GRID1: variants seen among roughly 807,000 people sequenced by gnomAD.
GRID1 encodes the protein glutamate ionotropic receptor delta type subunit 1.
GRID1 carries 28 observed loss-of-function variants against 98.0 expected under a neutral mutation model. The observed-to-expected ratio is 0.29, with a 90% CI of 0.21 to 0.39. GRID1 has a LOEUF of 0.39. GRID1 is among the 10% of genes least tolerant of loss of function. GRID1 has a pLI of 1.00. For synonymous variants in GRID1, 553 were observed against 538.5 expected (o/e 1.03, Z -0.37); for missense variants, 1,111 against 1,340.5 (o/e 0.83, Z 2.67).
At chr10:85,668,348 C>T (rs1289274608) in intron 12 of GRID1, among the ~76,000 whole-genome samples, 3 of 152,110 alleles carry the variant, frequency 2.0e-5, no homozygotes, top group Non-Finnish European at 2.9e-5. Context: ...GGTTGGCTAC[C>T]CTTGTGGGCA....
chr10:86,299,079 A>T (rs1314652234), intron 2 of GRID1, among the ~76,000 whole-genome samples: 1 of 152,034 alleles, frequency 6.6e-6, no homozygotes, highest in South Asian at 2.1e-4. Flanking sequence ...CATCACCTCT[A>T]CTTTATAGAT....
intron 2 of GRID1, among the ~76,000 whole-genome samples, chr10:86,321,017 G>A (rs1172805009): frequency 2.6e-5 from 4 of 151,370 alleles, no homozygotes; most frequent in Admixed American, 1.3e-4. Flanking sequence ...GGAGAATGCC[G>A]TGAACCTGGG....
intron 4 of GRID1, among the ~76,000 whole-genome samples, chr10:86,090,378 A>C (rs764500211): frequency 1.3e-5 from 2 of 152,084 alleles, no homozygotes; most frequent in Non-Finnish European, 2.9e-5. Context: ...ACACCACTGC[A>C]CTCCAACCTG....
intron 4 of GRID1, among the ~76,000 whole-genome samples, chr10:86,080,581 A>G (rs1417483881): frequency 6.6e-6 from 1 of 152,040 alleles, no homozygotes; most frequent in East Asian, 1.9e-4. Flanking sequence ...TTTCACCACT[A>G]GGTTTGGCCC....
chr10:85,833,529 A>C (rs1842887538), intron 8 of GRID1, among the ~76,000 whole-genome samples: 1 of 152,002 alleles, frequency 6.6e-6, no homozygotes, highest in Non-Finnish European at 1.5e-5. Context: ...CCCAACAAAA[A>C]AAAAAAAAAA....
At chr10:85,650,080 C>G (rs1843247886) in intron 12 of GRID1, 1 of 152,162 alleles carries the variant, frequency 6.6e-6, no homozygotes, top group Non-Finnish European at 1.5e-5. Context: ...CACAAGGGCC[C>G]AACTATTCAT....
At chr10:85,924,476 G>T (rs1196748316) in intron 4 of GRID1, among the ~76,000 whole-genome samples, 1 of 152,170 alleles carries the variant, frequency 6.6e-6, no homozygotes, top group Non-Finnish European at 1.5e-5. Flanking sequence ...TCAAATTCTA[G>T]AGCTTTTCCT....
At chr10:86,138,735 G>T in intron 4 of GRID1, 84 bp downstream of exon 4, 3 of 1,095,312 alleles carry the variant, frequency 2.7e-6, no homozygotes, top group South Asian at 2.6e-5. Flanking sequence ...TGCGTAAGAC[G>T]ACTGTGCCCT....
intron 12 of GRID1, among the ~76,000 whole-genome samples, chr10:85,716,999 G>A (rs1277212213): frequency 6.6e-6 from 1 of 152,062 alleles, no homozygotes; most frequent in Non-Finnish European, 1.5e-5. Context: ...AAAGAGTACA[G>A]AATTTCAGTT....
intron 4 of GRID1, among the ~76,000 whole-genome samples, chr10:85,968,439 A>G (rs1342500322): frequency 7.5e-6 from 1 of 133,030 alleles, no homozygotes; most frequent in African/African-American, 3.1e-5. Context: ...CGACACAGCA[A>G]GACTCTGTCT....
chr10:86,279,772 A>T (rs1004692734), intron 2 of GRID1, among the ~76,000 whole-genome samples: 1 of 152,260 alleles, frequency 6.6e-6, no homozygotes, highest in African/African-American at 2.4e-5. Flanking sequence ...AAAATGAAAT[A>T]AAAATCATCC....
At chr10:85,729,923 G>A (rs554993102) in intron 8 of GRID1, among the ~76,000 whole-genome samples, 1 of 152,308 alleles carries the variant, frequency 6.6e-6, no homozygotes, top group East Asian at 1.9e-4. Flanking sequence ...ACCCACAGAG[G>A]CCATGTCACT....
At chr10:86,181,380 T>G (rs1845652963) in intron 3 of GRID1, among the ~76,000 whole-genome samples, 1 of 152,066 alleles carries the variant, frequency 6.6e-6, no homozygotes, top group Admixed American at 6.5e-5. Flanking sequence ...GCAATGCTGA[T>G]TGAATGCAGG....
chr10:86,131,561 G>A (rs1276248081), intron 4 of GRID1, among the ~76,000 whole-genome samples: 2 of 152,112 alleles, frequency 1.3e-5, no homozygotes, highest in Non-Finnish European at 2.9e-5. Context: ...AGGCCTCCCA[G>A]ACAGTCTCTG....
intron 2 of GRID1, among the ~76,000 whole-genome samples, chr10:86,263,440 C>T (rs1006948808): frequency 6.6e-6 from 1 of 152,226 alleles, no homozygotes; most frequent in African/African-American, 2.4e-5. Flanking sequence ...GTTCCCCAGA[C>T]ACTGACTTCG....
At position 85,613,539 on chromosome 10, in the gene GRID1, G is replaced by T; in HGVS notation, c.2469C>A (p.Gly823=). ...LTSHASAQAD[G]KSLKLHSFAG... The stretch of plus-strand genomic sequence containing the variant: ...CGAAGCTGTGCAGCTTGAGGGATTT[G>T]CCGTCGGCCTGGGCGCTGGCATGGC... The change falls in exon 15 of 16, where the codon GGC becomes GGA. Residue 823 remains glycine, a synonymous_variant. Transcript: ENST00000327946. The T allele has an allele frequency of 6.2e-7, 1 of 1,614,214 alleles. No homozygotes were observed. The highest frequency in any genetic ancestry group is 8.5e-7 in the Non-Finnish European group (1 of 1,180,050).
At chr10:86,276,613 A>G (rs1390781245) in intron 2 of GRID1, among the ~76,000 whole-genome samples, 1 of 151,274 alleles carries the variant, frequency 6.6e-6, no homozygotes, top group African/African-American at 2.4e-5. Context: ...AGCGATTCTC[A>G]TGCCTCAGCC....
At chr10:86,218,084 CTT>C (rs1846201653) in intron 2 of GRID1, among the ~76,000 whole-genome samples, 1 of 152,164 alleles carries the variant, frequency 6.6e-6, no homozygotes, top group Non-Finnish European at 1.5e-5. Context: ...CTATGTCTGA[CTT>C]TTGTTTTTAG....
intron 5 of GRID1, among the ~76,000 whole-genome samples, chr10:85,899,162 T>C (rs1433361539): frequency 6.6e-6 from 1 of 152,242 alleles, no homozygotes; most frequent in Non-Finnish European, 1.5e-5. Context: ...AGTGAGGTCA[T>C]GCCATATTTG....
Sources: allele counts gnomAD v4.1 joint callset (sites outside exome capture counted in the v4.1 genomes callset), GRCh38; gene constraint gnomAD v4.1.1; transcripts MANE v1.5; gene names NCBI Gene and HGNC (gene_info 2026-07-23, HGNC 2026-07-21).